The following CCPG1 variants were observed in gnomAD, a reference collection of about 807,000 sequenced individuals.
The protein encoded by CCPG1 is cell cycle progression protein 1.
Under a neutral mutation model 81.3 loss-of-function variants are expected in CCPG1, and 46 were observed. That is an observed-to-expected ratio of 0.57 (90% CI 0.45 to 0.72). The LOEUF (loss-of-function observed/expected upper bound fraction) is 0.72. Ranked by LOEUF, CCPG1 falls within the 30% of genes least tolerant of loss-of-function variation. The pLI is 0.00. For synonymous variants in CCPG1, 330 were observed against 305.2 expected (o/e 1.08, Z -0.85); for missense variants, 902 against 937.6 (o/e 0.96, Z 0.50).
intron 5 of CCPG1, chr15:55,372,973 G>C (rs1410255602): frequency 1.9e-6 from 1 of 534,572 alleles, no homozygotes; most frequent in African/African-American, 1.9e-5. Flanking sequence ...ACTCTTACTA[G>C]AAGGTTATTA....
intron 5 of CCPG1, among the ~76,000 whole-genome samples, chr15:55,374,929 T>G (rs999322146): frequency 6.6e-6 from 1 of 152,192 alleles, no homozygotes; most frequent in Non-Finnish European, 1.5e-5. Context: ...TCTCCCAAAG[T>G]GCAGGGATTA....
chr15:55,377,907 T>C (rs2056599923), intron 4 of CCPG1, among the ~76,000 whole-genome samples: 1 of 93,958 alleles, frequency 1.1e-5, no homozygotes, highest in South Asian at 2.7e-4. Context: ...TTTTGTCAGA[T>C]CAGTACAGAC....
At chr15:55,356,485 C>G in intron 8 of CCPG1, 76 bp from the exon 9 acceptor site, 1 of 1,322,062 alleles carries the variant, frequency 7.6e-7, no homozygotes. Context: ...TAAATGTTTT[C>G]TCCATTAATC....
intron 6 of CCPG1, among the ~76,000 whole-genome samples, chr15:55,371,108 G>A (rs913967257): frequency 1.3e-5 from 2 of 152,024 alleles, no homozygotes; most frequent in Admixed American, 6.6e-5. Context: ...GTGGGACTCC[G>A]TCTCCAAAAA....
chr15:55,357,228 C>CTACT (rs2056097696), intron 8 of CCPG1: 1 of 867,438 alleles, frequency 1.2e-6, no homozygotes, highest in African/African-American at 3.2e-5. Flanking sequence ...CTCAGTGGTA[C>CTACT]TACTATCCAA....
rs753034934 is a variant in CCPG1, at chr15:55,355,297, T to C, written c.*923A>G. On this transcript the variant is annotated 3_prime_UTR_variant, in exon 9 of 9. Coordinates refer to ENST00000442196, the MANE Select transcript of CCPG1 (RefSeq NM_001204450.2). ...TTATTTGCTTCTAGGAAATAAGCGC[T>C]TTCCTAATTTCAAGCAATTATAAAA... 1.6e-5 allele frequency: 26 copies of C among 1,607,900 alleles called. No homozygotes were observed. In the East Asian group the frequency reaches 5.8e-4, roughly 36 times the overall value.
At chr15:55,406,996 C>T (rs1299200907) in intron 1 of CCPG1, among the ~76,000 whole-genome samples, 1 of 149,888 alleles carries the variant, frequency 6.7e-6, no homozygotes, top group Non-Finnish European at 1.5e-5. Flanking sequence ...GGGCGGATCA[C>T]GAGGTCAGGA....
chr15:55,363,809 T>TCC (rs2056259936), intron 7 of CCPG1, among the ~76,000 whole-genome samples: 10 of 123,662 alleles, frequency 8.1e-5, no homozygotes, highest in Admixed American at 1.6e-4. Context: ...CTTTTTTTTT[T>TCC]TTTTTTTTTT....
At chr15:55,393,315 C>T (rs1482667572) in intron 1 of CCPG1, among the ~76,000 whole-genome samples, 1 of 152,058 alleles carries the variant, frequency 6.6e-6, no homozygotes, top group Non-Finnish European at 1.5e-5. Context: ...TGGCCCACAC[C>T]TGTTGTCCTA....
Position 55,359,584 on chromosome 15 carries a change from T to C in CCPG1, c.2189A>G (p.Tyr730Cys). Residue 730 changes from tyrosine (Y) to cysteine (C), a missense_variant, in exon 8 of 9, where the codon TAT (tyrosine) becomes TGT (cysteine). This residue lies in a region of CCPG1 where 128 missense variants were observed against 161.2 expected (regional missense o/e 0.79). Transcript: ENST00000442196. The stretch of plus-strand genomic sequence containing the variant: ...AAAAGTGTGACCAAAGAAGTGTCTA[T>C]ATATATATTCATCCAACTTCTCAAA... Reference protein sequence around the residue: ...GVFEKLDEYIYRHFFGHTFSP... With the variant: ...GVFEKLDEYICRHFFGHTFSP... 2 of 1,613,132 alleles carry C rather than the reference T, an allele frequency of 1.2e-6. No individual in the cohort carries two copies. Among genetic ancestry groups the C allele is most frequent in the Middle Eastern group, 1.7e-4 (1 of 6,052 alleles).
intron 3 of CCPG1, among the ~76,000 whole-genome samples, chr15:55,382,684 T>G (rs1224754590): frequency 6.6e-6 from 1 of 152,076 alleles, no homozygotes; most frequent in Non-Finnish European, 1.5e-5. Context: ...TAATTGTTTG[T>G]ATTTTTAGTA....
At chr15:55,401,665 CAAA>C (rs59999532) in intron 1 of CCPG1, among the ~76,000 whole-genome samples, 5 of 138,320 alleles carry the variant, frequency 3.6e-5, no homozygotes, top group African/African-American at 5.2e-5. Flanking sequence ...AACTCCGTCT[CAAA>C]AAAAAAAAAA....
At chr15:55,400,300 T>A (rs2057104622) in intron 1 of CCPG1, among the ~76,000 whole-genome samples, 1 of 143,484 alleles carries the variant, frequency 7.0e-6, no homozygotes, top group Non-Finnish European at 1.5e-5. Flanking sequence ...CACGAGGTCA[T>A]GAGTTCGAGA....
intron 1 of CCPG1, among the ~76,000 whole-genome samples, chr15:55,405,313 G>T (rs1358081833): frequency 1.3e-5 from 2 of 152,072 alleles, no homozygotes; most frequent in African/African-American, 2.4e-5. Context: ...GGTGAGCTGA[G>T]ATCTTGCCAT....
chr15:55,358,446 C>T (rs917143936), intron 8 of CCPG1: 1 of 985,292 alleles, frequency 1.0e-6, no homozygotes. Flanking sequence ...CAGGACAAAA[C>T]CTTTAGCATA....
intron 5 of CCPG1, among the ~76,000 whole-genome samples, chr15:55,376,535 T>A (rs183934631): frequency 3.5e-4 from 54 of 152,342 alleles, no homozygotes; most frequent in Non-Finnish European, 6.2e-4. Context: ...GCATGATTAA[T>A]AATTGAATAT....
chr15:55,375,260 C>T (rs908064112), intron 5 of CCPG1, among the ~76,000 whole-genome samples: 2 of 151,356 alleles, frequency 1.3e-5, no homozygotes, highest in Admixed American at 6.6e-5. Context: ...TGAGCCACCA[C>T]GCCCAGCAAC....
rs1380429249 is a variant in CCPG1, at chr15:55,360,250, T to A, written c.1523A>T (p.Lys508Ile). ...NSTKEFVRHHKEKIKQAKEAV... is the reference protein window; with the variant it reads ...NSTKEFVRHHIEKIKQAKEAV... Reference sequence around the variant, plus strand: ...TTCTTTAGCCTGCTTAATTTTCTCTTTATGATGCCTTACAAACTCCTTGGT... The same window carrying A: ...TTCTTTAGCCTGCTTAATTTTCTCTATATGATGCCTTACAAACTCCTTGGT... The change falls in exon 8 of 9, where the codon AAA (lysine) becomes ATA (isoleucine). Residue 508 changes from lysine (K) to isoleucine (I), a missense_variant. Physicochemically the swap from Lys to Ile is moderately radical, Grantham distance 102 (BLOSUM62 -3). Coordinates refer to ENST00000442196, the MANE Select transcript of CCPG1 (RefSeq NM_001204450.2). 1 of 1,614,022 alleles carries A rather than the reference T, an allele frequency of 6.2e-7. No individual in the cohort carries two copies. Among genetic ancestry groups the A allele is most frequent in the Admixed American group, 1.7e-5 (1 of 60,008 alleles).
At chr15:55,357,585 C>G (rs543542530) in intron 8 of CCPG1, 1 of 243,112 alleles carries the variant, frequency 4.1e-6, no homozygotes, top group East Asian at 1.8e-4. Context: ...TACAGTGGCT[C>G]ACGACTGTAA....
Sources: gnomAD v4.1 joint callset for allele counts (sites outside exome capture counted in the v4.1 genomes callset) on GRCh38, gnomAD v4.1.1 for gene constraint, gnomAD v4.1.1 regional missense constraint, MANE v1.5 for transcripts, NCBI Gene and HGNC (gene_info 2026-07-23, HGNC 2026-07-21) for gene names.